Variants in FBLN2 observed in about 807,000 individuals in gnomAD.
The protein encoded by FBLN2 is fibulin-2.
A neutral mutation model predicts 123.7 loss-of-function variants in FBLN2; 81 were observed. The ratio of observed to expected loss-of-function variants is 0.65; its 90% CI spans 0.55 to 0.79. The LOEUF (loss-of-function observed/expected upper bound fraction) is 0.79. Ranked by LOEUF, FBLN2 falls within the 30% of genes least tolerant of loss-of-function variation. The pLI is 0.00. For synonymous variants in FBLN2, 699 were observed against 701.4 expected (o/e 1.00, Z 0.05); for missense variants, 1,603 against 1,681.3 (o/e 0.95, Z 0.81).
At chr3:13,604,770 C>G (rs1705148726) in intron 2 of FBLN2, among the ~76,000 whole-genome samples, 1 of 152,220 alleles carries the variant, frequency 6.6e-6, no homozygotes, top group African/African-American at 2.4e-5. Context: ...CAGAGCAGAA[C>G]AGTAACAGGT....
chr3:13,550,806 C>A (rs1272824424), intron 1 of FBLN2, among the ~76,000 whole-genome samples: 1 of 152,226 alleles, frequency 6.6e-6, no homozygotes, highest in African/African-American at 2.4e-5. Flanking sequence ...GGGATGAAGT[C>A]AAAGAATCTT....
chr3:13,621,881 T>C lies in FBLN2; in HGVS notation c.2262T>C (p.Asp754=), dbSNP rs1047451870. 7 of 1,613,906 alleles carry C rather than the reference T, an allele frequency of 4.3e-6. No individual in the cohort carries two copies. In the Admixed American group the frequency reaches 6.7e-5, roughly 15 times the overall value. The change falls in exon 9 of 18, where the codon GAT becomes GAC. Residue 754 remains aspartate, a synonymous_variant. Coordinates refer to ENST00000404922, the MANE Select transcript of FBLN2 (RefSeq NM_001004019.2). ...TCAACCACACAGTGCTCTGTGCCGA[T>C]GGCTATATCCTCAATGCGCACAGGA... The part of the protein sequence containing the change: ...YCVNHTVLCA[D]GYILNAHRKC...
intron 1 of FBLN2, among the ~76,000 whole-genome samples, chr3:13,557,154 A>C (rs1023237327): frequency 6.6e-6 from 1 of 152,196 alleles, no homozygotes; most frequent in African/African-American, 2.4e-5. Context: ...TGGGCCAGTC[A>C]GCTGTGGCTG....
At chr3:13,561,168 C>T (rs1450647612) in intron 1 of FBLN2, among the ~76,000 whole-genome samples, 3 of 152,116 alleles carry the variant, frequency 2.0e-5, no homozygotes, top group Non-Finnish European at 4.4e-5. Flanking sequence ...CATTTGCAGT[C>T]CCTAAATGAT....
Position 13,609,139 on chromosome 3 carries a change from A to G in FBLN2, c.1419-374A>G, listed in dbSNP as rs73814612. On this transcript the variant is annotated intron_variant, in intron 3 of 17. Coordinates refer to ENST00000404922, the MANE Select transcript of FBLN2 (RefSeq NM_001004019.2). ...CAGCCACCTCTGCCCCAGGCAGCCCAACAGTGACTGGCAGGCAGTGACCAG... is the reference window on the plus strand; with the variant it reads ...CAGCCACCTCTGCCCCAGGCAGCCCGACAGTGACTGGCAGGCAGTGACCAG... Among the ~76,000 whole-genome samples, 572 of 152,266 alleles carry G rather than the reference A, an allele frequency of 3.8e-3. 6 individuals carry two copies. Among genetic ancestry groups the G allele is most frequent in the African/African-American group, 0.013 (559 of 41,554 alleles).
At position 13,637,504 on chromosome 3, in the gene FBLN2, C is replaced by T. The variant is rs1015149895; in HGVS notation, c.3339-58C>T. The T allele has an allele frequency of 3.1e-5, 46 of 1,464,302 alleles. 2 individuals carry two copies. The highest frequency in any genetic ancestry group is 3.7e-4 in the Middle Eastern group (2 of 5,462). The allele number at this position is 1,464,302 out of a possible 1,614,324, so 90.7% of individuals were successfully genotyped here. Reference sequence around the variant, plus strand: ...CGCTGAGCTGTGCCATCTGTGTCCCCGTCTGGGGATGAGGGGGGTGGGCGA... The same window carrying T: ...CGCTGAGCTGTGCCATCTGTGTCCCTGTCTGGGGATGAGGGGGGTGGGCGA... On this transcript the variant is annotated intron_variant, in intron 17 of 17. Transcript: ENST00000404922.
intron 2 of FBLN2, among the ~76,000 whole-genome samples, chr3:13,604,693 C>T (rs1705146721): frequency 6.6e-6 from 1 of 152,132 alleles, no homozygotes; most frequent in South Asian, 2.1e-4. Flanking sequence ...GTCTAATGTT[C>T]CCCCATTGAG....
At chr3:13,574,186 A>T (rs1010335164) in intron 2 of FBLN2, among the ~76,000 whole-genome samples, 2 of 152,230 alleles carry the variant, frequency 1.3e-5, no homozygotes, top group African/African-American at 4.8e-5. Flanking sequence ...TAGCCAGAGC[A>T]TCACAGCATT....
chr3:13,598,615 CTTG>C (rs1297785899), intron 2 of FBLN2, among the ~76,000 whole-genome samples: 5 of 152,220 alleles, frequency 3.3e-5, no homozygotes, highest in African/African-American at 9.7e-5. Context: ...CCACCGACCT[CTTG>C]TTGTTGATGT....
intron 2 of FBLN2, among the ~76,000 whole-genome samples, chr3:13,589,577 T>C (rs926812043): frequency 6.6e-6 from 1 of 152,172 alleles, no homozygotes; most frequent in Non-Finnish European, 1.5e-5. Flanking sequence ...GCCTCATCAT[T>C]GTCCAGTGCT....
intron 1 of FBLN2, among the ~76,000 whole-genome samples, chr3:13,559,252 A>C (rs552158365): frequency 9.6e-5 from 5 of 51,846 alleles, no homozygotes; most frequent in East Asian, 0.042. Flanking sequence ...TAGGTTAATC[A>C]AAAGGGGTTC....
At chr3:13,560,075 C>T (rs1703565067) in intron 1 of FBLN2, among the ~76,000 whole-genome samples, 1 of 152,144 alleles carries the variant, frequency 6.6e-6, no homozygotes, top group African/African-American at 2.4e-5. Context: ...CAGCTCCCTT[C>T]AATGCCAAAA....
rs1169799870 is a variant in FBLN2, at chr3:13,570,618, C to T, written c.263C>T (p.Ser88Phe). ...CGCGGCCGCGTGCCCGCCGGTCAGT[C>T]CTATTTTGTGGACTTCGGGAGCACT... The part of the protein sequence containing the change: ...FVRGRVPAGQ[S>F]YFVDFGSTEC... The change falls in exon 2 of 18, where the codon TCC becomes TTC. Residue 88 changes from serine (S) to phenylalanine (F), a missense_variant. Transcript: ENST00000404922. The T allele has an allele frequency of 1.9e-6, 3 of 1,580,652 alleles. No individual in the cohort carries two copies. The highest frequency in any genetic ancestry group is 2.6e-6 in the Non-Finnish European group (3 of 1,164,516).
At chr3:13,584,311 A>C (rs1216384801) in intron 2 of FBLN2, among the ~76,000 whole-genome samples, 1 of 152,182 alleles carries the variant, frequency 6.6e-6, no homozygotes, top group Non-Finnish European at 1.5e-5. Context: ...CACTAGGATG[A>C]CACAGAGGTC....
At chr3:13,613,607 C>T (rs1462336975) in intron 4 of FBLN2, among the ~76,000 whole-genome samples, 1 of 152,130 alleles carries the variant, frequency 6.6e-6, no homozygotes, top group East Asian at 1.9e-4. Context: ...AGAGTCATCC[C>T]CAGTTTAAAG....
chr3:13,552,652 A>G (rs1289852768), intron 1 of FBLN2, among the ~76,000 whole-genome samples: 1 of 152,022 alleles, frequency 6.6e-6, no homozygotes, highest in Non-Finnish European at 1.5e-5. Flanking sequence ...CCAGCCAGGC[A>G]TTATAGGGTG....
intron 2 of FBLN2, among the ~76,000 whole-genome samples, chr3:13,583,677 G>A (rs1365401318): frequency 6.6e-6 from 1 of 152,244 alleles, no homozygotes; most frequent in African/African-American, 2.4e-5. Flanking sequence ...GACCTGGTGG[G>A]ACTGTGGTTC....
intron 1 of FBLN2, among the ~76,000 whole-genome samples, chr3:13,561,885 C>G (rs1275122101): frequency 6.6e-6 from 1 of 152,210 alleles, no homozygotes; most frequent in Non-Finnish European, 1.5e-5. Flanking sequence ...ACACCTTTTA[C>G]TACTTATGTG....
intron 4 of FBLN2, among the ~76,000 whole-genome samples, chr3:13,610,243 G>T (rs1409568049): frequency 6.6e-6 from 1 of 152,196 alleles, no homozygotes; most frequent in Non-Finnish European, 1.5e-5. Flanking sequence ...GAGTGACAGG[G>T]GGCAGGTGGA....
Sources: gnomAD v4.1 joint callset for allele counts (sites outside exome capture counted in the v4.1 genomes callset) on GRCh38, gnomAD v4.1.1 for gene constraint, MANE v1.5 for transcripts, NCBI Gene and HGNC (gene_info 2026-07-23, HGNC 2026-07-21) for gene names.